Variants in RAD54B observed in about 807,000 individuals in gnomAD.
RAD54B encodes the protein RAD54 homolog B.
Under a neutral mutation model 95.8 loss-of-function variants are expected in RAD54B, and 78 were observed. The ratio of observed to expected loss-of-function variants is 0.81; its 90% CI spans 0.68 to 0.98. RAD54B has a LOEUF of 0.98. RAD54B is among the 50% of genes least tolerant of loss of function. RAD54B has a pLI of 0.00. For synonymous variants in RAD54B, 328 were observed against 354.9 expected (o/e 0.92, Z 0.85); for missense variants, 957 against 1,056.6 (o/e 0.91, Z 1.31).
At chr8:94,472,587 G>A (rs1395268275) in intron 1 of RAD54B, among the ~76,000 whole-genome samples, 1 of 152,138 alleles carries the variant, frequency 6.6e-6, no homozygotes, top group Non-Finnish European at 1.5e-5. Flanking sequence ...ACATTAGTCA[G>A]ACTCCCCTCT....
In RAD54B at chr8:94,372,016, A is replaced by C. The variant is rs1005533489; in HGVS notation, c.*154T>G. The C allele has an allele frequency of 3.8e-5, 50 of 1,298,726 alleles. No homozygotes were observed. The highest frequency in any genetic ancestry group is 4.6e-5 in the Non-Finnish European group (46 of 994,328). 80.5% of individuals were successfully genotyped at this position (1,298,726 alleles called of 1,614,324 possible). A position where few individuals can be genotyped will look rare whatever the true frequency, so the allele number is the denominator to read the frequency against. On this transcript the variant is annotated 3_prime_UTR_variant, in exon 15 of 15. Coordinates refer to ENST00000336148, the MANE Select transcript of RAD54B (RefSeq NM_012415.3). ...TTTAAACACTTAATATTTACAAAACATTAAACCACTCAATTTTGACTATTG... is the reference window on the plus strand; with the variant it reads ...TTTAAACACTTAATATTTACAAAACCTTAAACCACTCAATTTTGACTATTG...
chr8:94,413,074 A>ATT (rs1315024598), intron 3 of RAD54B, among the ~76,000 whole-genome samples: 1 of 152,222 alleles, frequency 6.6e-6, no homozygotes, highest in Non-Finnish European at 1.5e-5. Flanking sequence ...CAAAGCTCTT[A>ATT]TAAATAAGCA....
chr8:94,436,597 G>A (rs1270108427), intron 3 of RAD54B: 1 of 1,550,488 alleles, frequency 6.4e-7, no homozygotes, highest in East Asian at 2.4e-5. Flanking sequence ...TTTAAAATCT[G>A]ATTGGGTCTC....
chr8:94,442,127 A>G (rs566169343), intron 3 of RAD54B, among the ~76,000 whole-genome samples: 1 of 152,358 alleles, frequency 6.6e-6, no homozygotes, highest in African/African-American at 2.4e-5. Flanking sequence ...ATTAAGTGAA[A>G]TAACCCAAGC....
In RAD54B at chr8:94,458,281, A is replaced by G; in HGVS notation, c.291T>C (p.Asp97=). ...CFEAPTLATL[D]PPHTVHSAPK... is the part of the protein sequence containing the mutation. ...AAGCAGTCTTACCTGTATGAGGTGG[A>G]TCTAATGTTGCCAGTGTAGGTGCTT... The change falls in exon 3 of 15, where the codon GAT becomes GAC. Residue 97 remains aspartate (D), a synonymous_variant. Coordinates refer to ENST00000336148, the MANE Select transcript of RAD54B (RefSeq NM_012415.3). 1 of 1,605,560 alleles carries G rather than the reference A, an allele frequency of 6.2e-7. No individual in the cohort carries two copies. Among genetic ancestry groups the G allele is most frequent in the East Asian group, 2.2e-5 (1 of 44,476 alleles).
At chr8:94,379,468 CT>C (rs1421605292) in intron 12 of RAD54B, among the ~76,000 whole-genome samples, 5 of 152,220 alleles carry the variant, frequency 3.3e-5, no homozygotes, top group Admixed American at 1.3e-4. Flanking sequence ...CAACTGGAAG[CT>C]TGTGCCTGGT....
rs771440070 is a variant in RAD54B, at chr8:94,378,559, G to A, written c.2314+9C>T. ...AGTATACATTTTTGTCACACTGAAG[G>A]GTTGTTACCTGTAGTTAGGAGTCTG... is the stretch of plus-strand genomic sequence containing the variant. On this transcript the variant is annotated intron_variant, in intron 13 of 14. Coordinates refer to ENST00000336148, the MANE Select transcript of RAD54B (RefSeq NM_012415.3). 8.2e-6 allele frequency: 13 copies of A among 1,592,762 alleles called. No homozygotes were observed. The East Asian group carries it at 8.9e-5, about 11-fold the overall frequency.
In RAD54B at chr8:94,467,412, A is replaced by G; in HGVS notation, c.128T>C (p.Leu43Ser). ...AGTCTTTTTTTGCCTTACCTCAAAT[A>G]ATTTTATATCTGGATTCAGTTTTGT... is the stretch of plus-strand genomic sequence containing the variant. ...EITKLNPDIK[L>S]FEGVAINNTF... Residue 43 changes from leucine to serine, a missense_variant, in exon 2 of 15, where the codon TTA (leucine) becomes TCA (serine). Transcript: ENST00000336148. 1.2e-6 allele frequency: 2 copies of G among 1,606,192 alleles called. No individual in the cohort carries two copies. The highest frequency in any genetic ancestry group is 1.7e-6 in the Non-Finnish European group (2 of 1,176,346).
chr8:94,411,437 A>C (rs187012926), intron 3 of RAD54B, 122 bp from the exon 4 acceptor site: 52 of 717,634 alleles, frequency 7.2e-5, no homozygotes, highest in Non-Finnish European at 9.9e-5. Context: ...GTATGAAAGA[A>C]TATTTGATCA....
chr8:94,387,073 G>A lies in RAD54B; in HGVS notation c.1896C>T (p.Asn632=). 1 of 1,613,418 alleles carries A rather than the reference G, an allele frequency of 6.2e-7. No individual in the cohort carries two copies. The highest frequency in any genetic ancestry group is 8.5e-7 in the Non-Finnish European group (1 of 1,179,496). The change falls in exon 11 of 15, where the codon AAC becomes AAT. Residue 632 remains asparagine (N), a synonymous_variant. Coordinates refer to ENST00000336148, the MANE Select transcript of RAD54B (RefSeq NM_012415.3). The stretch of plus-strand genomic sequence containing the variant: ...ACTCCTTTTCAGTAAACAGGAGAGG[G>A]TTGTAGTCAGCAGGAAACACACTTA... ...GLLSVFPADY[N]PLLFTEKESG...
At chr8:94,420,556 C>T (rs1261273724) in intron 3 of RAD54B, among the ~76,000 whole-genome samples, 1 of 151,942 alleles carries the variant, frequency 6.6e-6, no homozygotes, top group African/African-American at 2.4e-5. Flanking sequence ...TGACTTCCTA[C>T]TTAATAAACT....
At chr8:94,374,748 A>C (rs2129938189) in intron 14 of RAD54B, among the ~76,000 whole-genome samples, 1 of 152,314 alleles carries the variant, frequency 6.6e-6, no homozygotes, top group Admixed American at 6.5e-5. Flanking sequence ...AAATATATGA[A>C]GCAGAAAATG....
intron 13 of RAD54B, 75 bp downstream of exon 13, chr8:94,378,493 T>G: frequency 6.9e-7 from 1 of 1,459,066 alleles, no homozygotes; most frequent in Non-Finnish European, 9.4e-7. Context: ...TTCCTGACAC[T>G]GAAGCACAGG....
At chr8:94,422,736 T>C (rs1811853758) in intron 3 of RAD54B, among the ~76,000 whole-genome samples, 2 of 126,370 alleles carry the variant, frequency 1.6e-5, no homozygotes, top group Admixed American at 1.7e-4. Flanking sequence ...CTAGAAAGCC[T>C]CCTCACCACA....
Position 94,431,139 on chromosome 8 carries a change from G to A in RAD54B, c.305-19824C>T, listed in dbSNP as rs1225852657. The A allele has an allele frequency of 3.2e-6, 3 of 931,822 alleles. No individual in the cohort carries two copies. In the East Asian group the frequency reaches 3.5e-4, roughly 109 times the overall value. 57.7% of individuals were successfully genotyped at this position (931,822 alleles called of 1,614,324 possible). ...TAGAGATTTAATATAAATTTAATAT[G>A]TATGCTTTAAGAATTGAGGTTTTAT... On this transcript the variant is annotated intron_variant, in intron 3 of 14. Coordinates refer to ENST00000336148, the MANE Select transcript of RAD54B (RefSeq NM_012415.3).
intron 3 of RAD54B, among the ~76,000 whole-genome samples, chr8:94,447,572 G>T (rs150814054): frequency 2.1e-4 from 32 of 152,318 alleles, no homozygotes; most frequent in South Asian, 6.2e-4. Context: ...GAGATGAAAA[G>T]TATGTGCCTG....
intron 3 of RAD54B, chr8:94,431,952 C>A (rs1812107427): frequency 1.6e-6 from 2 of 1,277,762 alleles, no homozygotes; most frequent in Admixed American, 3.7e-5. Context: ...ACCATGCCAA[C>A]CAACCAGTAA....
At chr8:94,383,281 T>A (rs1810787687) in intron 11 of RAD54B, among the ~76,000 whole-genome samples, 2 of 50,350 alleles carry the variant, frequency 4.0e-5, no homozygotes, top group African/African-American at 5.8e-5. Flanking sequence ...CAAGACTCCA[T>A]CTCAAAAAAA....
rs1810452637 is a variant in RAD54B, at chr8:94,372,036, C to T, written c.*134G>A. 4.4e-6 allele frequency: 6 copies of T among 1,366,790 alleles called. No individual in the cohort carries two copies. Among genetic ancestry groups the T allele is most frequent in the Non-Finnish European group, 4.8e-6 (5 of 1,048,592 alleles). 84.7% of individuals were successfully genotyped at this position (1,366,790 alleles called of 1,614,324 possible). Reference sequence around the variant, plus strand: ...AAAACATTAAACCACTCAATTTTGACTATTGTATCAAAAGTGATATATTTT... The same window carrying T: ...AAAACATTAAACCACTCAATTTTGATTATTGTATCAAAAGTGATATATTTT... On this transcript the variant is annotated 3_prime_UTR_variant, in exon 15 of 15. Coordinates refer to ENST00000336148, the MANE Select transcript of RAD54B (RefSeq NM_012415.3).
Sources: allele counts gnomAD v4.1 joint callset (sites outside exome capture counted in the v4.1 genomes callset), GRCh38; gene constraint gnomAD v4.1.1; transcripts MANE v1.5; gene names NCBI Gene and HGNC (gene_info 2026-07-23, HGNC 2026-07-21).